Variants in CSMD1 observed in about 807,000 individuals in gnomAD.
CSMD1 encodes CUB and Sushi multiple domains 1.
In CSMD1, 213 loss-of-function variants were observed where a neutral mutation model predicts 417.5. That is an observed-to-expected ratio of 0.51 (90% CI 0.46 to 0.57). The LOEUF (loss-of-function observed/expected upper bound fraction) is 0.57, where lower values mean the gene tolerates loss of function less well. Ranked by LOEUF, CSMD1 falls within the 20% of genes least tolerant of loss-of-function variation. The pLI, the probability that CSMD1 is intolerant of heterozygous loss-of-function variation, is 0.00. For synonymous variants in CSMD1, 2,862 were observed against 1,736.8 expected, an observed-to-expected ratio of 1.65 and a Z score of -16.11; for missense variants, 6,923 against 4,529.7, an observed-to-expected ratio of 1.53 and a Z score of -15.17.
intron 1 of CSMD1, among the ~76,000 whole-genome samples, chr8:4,926,372 T>G (rs1806874305): frequency 6.6e-6 from 1 of 152,222 alleles, no homozygotes; most frequent in Non-Finnish European, 1.5e-5. Context: ...ACTCTTTATC[T>G]TTACGATATT....
chr8:3,415,279 T>C (rs1022249311), intron 12 of CSMD1, among the ~76,000 whole-genome samples: 2 of 152,188 alleles, frequency 1.3e-5, no homozygotes, highest in Non-Finnish European at 1.5e-5. Flanking sequence ...CCTATACTCT[T>C]AGCAATTTTC....
At chr8:3,586,334 AGC>A in intron 8 of CSMD1, 74 bp from the exon 9 acceptor site, 1 of 1,315,654 alleles carries the variant, frequency 7.6e-7, no homozygotes, top group Non-Finnish European at 1.0e-6. Flanking sequence ...AAAAAAAATC[AGC>A]AAAATGGCTG....
intron 5 of CSMD1, among the ~76,000 whole-genome samples, chr8:3,950,418 G>A (rs1377102189): frequency 6.6e-6 from 1 of 152,320 alleles, no homozygotes; most frequent in Non-Finnish European, 1.5e-5. Flanking sequence ...AATGTAAGTA[G>A]CAGAAGAGAG....
At chr8:4,645,592 G>A (rs1470683546) in intron 1 of CSMD1, among the ~76,000 whole-genome samples, 1 of 152,052 alleles carries the variant, frequency 6.6e-6, no homozygotes, top group Non-Finnish European at 1.5e-5. Flanking sequence ...GGTGCGGGAT[G>A]ACGAGGCTGC....
chr8:4,370,136 G>A (rs528516693), intron 3 of CSMD1, among the ~76,000 whole-genome samples: 1 of 151,808 alleles, frequency 6.6e-6, no homozygotes, highest in Admixed American at 6.5e-5. Flanking sequence ...AAGGCAGGTC[G>A]AGTTTCAACA....
intron 3 of CSMD1, among the ~76,000 whole-genome samples, chr8:4,396,624 C>CAG (rs1482353932): frequency 6.6e-6 from 1 of 151,850 alleles, no homozygotes. Context: ...GATACACACA[C>CAG]ACACACACAC....
At chr8:4,370,423 G>C (rs1802329660) in intron 3 of CSMD1, among the ~76,000 whole-genome samples, 1 of 152,068 alleles carries the variant, frequency 6.6e-6, no homozygotes, top group Non-Finnish European at 1.5e-5. Flanking sequence ...GTCTTGGAAA[G>C]GGTCATCTTG....
At chr8:4,805,827 C>T (rs79639202) in intron 1 of CSMD1, among the ~76,000 whole-genome samples, 2,247 of 152,120 alleles carry the variant, frequency 0.015, 29 homozygotes, top group Non-Finnish European at 0.022. Context: ...ATGGAAAACT[C>T]GAAAGTGGAA....
At chr8:4,257,615 A>C (rs1010406979) in intron 3 of CSMD1, among the ~76,000 whole-genome samples, 2 of 152,204 alleles carry the variant, frequency 1.3e-5, no homozygotes, top group Admixed American at 6.5e-5. Context: ...TTTGGTGAAA[A>C]GTTTGTCCTA....
intron 1 of CSMD1, among the ~76,000 whole-genome samples, chr8:4,795,446 A>G (rs999702600): frequency 1.3e-5 from 2 of 151,042 alleles, no homozygotes; most frequent in Non-Finnish European, 3.0e-5. Context: ...TAACTTTTGT[A>G]TTTTTAGTAG....
At chr8:3,748,527 T>A (rs1376391290) in intron 6 of CSMD1, among the ~76,000 whole-genome samples, 1 of 152,302 alleles carries the variant, frequency 6.6e-6, no homozygotes, top group Non-Finnish European at 1.5e-5. Context: ...AACTGAGCAC[T>A]TTCCAGGTTC....
In CSMD1 at chr8:3,538,214, C is replaced by T. The variant is rs192195605; in HGVS notation, c.1344+36731G>A. 1.1e-3 allele frequency among the ~76,000 whole-genome samples: 161 copies of T among 152,342 alleles called. 1 individual carries two copies. Among genetic ancestry groups the T allele is most frequent in the African/African-American group, 3.8e-3 (158 of 41,566 alleles). The stretch of plus-strand genomic sequence containing the variant: ...TGCATTTCATTCCCACTAGCACCAT[C>T]AGCTGGAACTGAGTAGCAATGGCAC... On this transcript the variant is annotated intron_variant, in intron 10 of 69. Coordinates refer to ENST00000635120, the MANE Select transcript of CSMD1 (RefSeq NM_033225.6).
intron 2 of CSMD1, among the ~76,000 whole-genome samples, chr8:4,526,866 T>C (rs1019925741): frequency 1.3e-5 from 2 of 152,060 alleles, no homozygotes; most frequent in Admixed American, 1.3e-4. Context: ...AGACATAGGA[T>C]ATTTAGCCAT....
At chr8:4,768,444 C>T (rs1388708890) in intron 1 of CSMD1, among the ~76,000 whole-genome samples, 1 of 152,180 alleles carries the variant, frequency 6.6e-6, no homozygotes, top group Non-Finnish European at 1.5e-5. Context: ...GTCAGGGAAA[C>T]AAAAATGCAT....
intron 1 of CSMD1, among the ~76,000 whole-genome samples, chr8:4,738,290 G>A (rs1179978610): frequency 6.6e-6 from 1 of 152,176 alleles, no homozygotes; most frequent in Non-Finnish European, 1.5e-5. Context: ...TTGAGAATGG[G>A]TTATTTACAG....
At chr8:3,439,887 C>A (rs1278745467) in intron 12 of CSMD1, among the ~76,000 whole-genome samples, 1 of 152,098 alleles carries the variant, frequency 6.6e-6, no homozygotes, top group Non-Finnish European at 1.5e-5. Flanking sequence ...GTCCAGTTGT[C>A]CTGGAGCCAT....
At chr8:3,521,806 G>C (rs570967928) in intron 10 of CSMD1, among the ~76,000 whole-genome samples, 1 of 152,112 alleles carries the variant, frequency 6.6e-6, no homozygotes, top group Admixed American at 6.6e-5. Context: ...TGGATTCTCT[G>C]TATACACACC....
At chr8:4,385,444 C>G (rs1233597193) in intron 3 of CSMD1, among the ~76,000 whole-genome samples, 1 of 152,128 alleles carries the variant, frequency 6.6e-6, no homozygotes, top group East Asian at 1.9e-4. Context: ...GTACATGTTT[C>G]TTTTCTTAGT....
At chr8:4,032,553 G>C (rs776786818) in intron 3 of CSMD1, among the ~76,000 whole-genome samples, 1 of 152,152 alleles carries the variant, frequency 6.6e-6, no homozygotes, top group African/African-American at 2.4e-5. Flanking sequence ...GACTGGTACA[G>C]TGTCTGTTAC....
Sources: gnomAD v4.1 joint callset for allele counts (sites outside exome capture counted in the v4.1 genomes callset) on GRCh38, gnomAD v4.1.1 for gene constraint, MANE v1.5 for transcripts, NCBI Gene and HGNC (gene_info 2026-07-23, HGNC 2026-07-21) for gene names.